ATF7IP: variants seen among roughly 807,000 people sequenced by gnomAD.
ATF7IP encodes activating transcription factor 7-interacting protein 1.
A neutral mutation model predicts 106.4 loss-of-function variants in ATF7IP; 23 were observed. The ratio of observed to expected loss-of-function variants is 0.22; its 90% confidence interval spans 0.16 to 0.31. The LOEUF is 0.31. Ranked by LOEUF, ATF7IP falls within the 10% of genes least tolerant of loss-of-function variation. The pLI is 1.00. For missense variants in ATF7IP, 1,334 were observed against 1,524.3 expected (o/e 0.88, Z 2.08); for synonymous variants, 542 against 539.0 (o/e 1.01, Z -0.08).
At chr12:14,449,755 A>G (rs1347674750) in intron 6 of ATF7IP, among the ~76,000 whole-genome samples, 3 of 151,264 alleles carry the variant, frequency 2.0e-5, no homozygotes, top group Non-Finnish European at 2.9e-5. Flanking sequence ...ATTGATAGGG[A>G]TTGCATTGAA....
At chr12:14,475,192 C>T (rs919488969) in intron 10 of ATF7IP, among the ~76,000 whole-genome samples, 2 of 152,132 alleles carry the variant, frequency 1.3e-5, no homozygotes, top group African/African-American at 2.4e-5. Flanking sequence ...GATTAATCCT[C>T]ACAATAGCCT....
chr12:14,479,464 G>A (rs1427961975), intron 12 of ATF7IP, among the ~76,000 whole-genome samples: 1 of 152,054 alleles, frequency 6.6e-6, no homozygotes, highest in Non-Finnish European at 1.5e-5. Flanking sequence ...TATCTGCACA[G>A]TACTTATATA....
chr12:14,418,795 A>G (rs191840828), intron 1 of ATF7IP, among the ~76,000 whole-genome samples: 246 of 152,202 alleles, frequency 1.6e-3, no homozygotes, highest in Admixed American at 2.8e-3. Flanking sequence ...GTGGGTATGG[A>G]TGGTAGTTAT....
chr12:14,470,103 G>C (rs1323690427), intron 10 of ATF7IP, among the ~76,000 whole-genome samples: 1 of 152,164 alleles, frequency 6.6e-6, no homozygotes, highest in East Asian at 1.9e-4. Flanking sequence ...CAAGGGCAAC[G>C]TTCTTGATAA....
At chr12:14,447,144 C>A in intron 6 of ATF7IP, 91 bp downstream of exon 6, 1 of 1,037,860 alleles carries the variant, frequency 9.6e-7, no homozygotes, top group Non-Finnish European at 1.4e-6. Flanking sequence ...TATTACAAAT[C>A]TGAAATTTGC....
chr12:14,393,238 TA>T (rs1939665093), intron 1 of ATF7IP, among the ~76,000 whole-genome samples: 1 of 152,188 alleles, frequency 6.6e-6, no homozygotes, highest in African/African-American at 2.4e-5. Flanking sequence ...AACTGTAAGG[TA>T]TATAATAAGT....
chr12:14,414,207 C>T (rs982145370), intron 1 of ATF7IP, among the ~76,000 whole-genome samples: 1 of 152,154 alleles, frequency 6.6e-6, no homozygotes, highest in African/African-American at 2.4e-5. Context: ...TACTTCTTTA[C>T]AGCAAGAGGA....
intron 1 of ATF7IP, among the ~76,000 whole-genome samples, chr12:14,395,991 A>T (rs1387726237): frequency 6.6e-6 from 1 of 152,226 alleles, no homozygotes; most frequent in East Asian, 1.9e-4. Flanking sequence ...ATTGCAATAA[A>T]AATAATCTAC....
chr12:14,424,536 T>G lies in ATF7IP; in HGVS notation c.621T>G (p.Ser207Arg), dbSNP rs559051739. The G allele has an allele frequency of 1.2e-6, 2 of 1,614,228 alleles. No homozygotes were observed. Among genetic ancestry groups the G allele is most frequent in the East Asian group, 4.5e-5 (2 of 44,880 alleles). Reference sequence around the variant, plus strand: ...TCTCCTCTGGTGATCCCACCTCTAGTGATCCCATCCCAGGTGAACCGGTCC... The same window carrying G: ...TCTCCTCTGGTGATCCCACCTCTAGGGATCCCATCCCAGGTGAACCGGTCC... ...DDLSSGDPTS[S>R]DPIPGEPVPV... The change falls in exon 2 of 15, where the codon AGT becomes AGG. Residue 207 changes from serine (S) to arginine (R), a missense_variant. Physicochemically the swap from Ser to Arg is moderately radical, Grantham distance 110. Transcript: ENST00000261168.
At chr12:14,492,130 T>C (rs903518612) in intron 13 of ATF7IP, among the ~76,000 whole-genome samples, 3 of 152,246 alleles carry the variant, frequency 2.0e-5, no homozygotes, top group Admixed American at 6.5e-5. Context: ...ATGCCAATTA[T>C]GCATTTTGGC....
chr12:14,487,180 G>C (rs903792638), intron 13 of ATF7IP, among the ~76,000 whole-genome samples: 3 of 151,452 alleles, frequency 2.0e-5, no homozygotes, highest in Non-Finnish European at 4.4e-5. Context: ...TACTTAGTGG[G>C]CCCAAATCAA....
At chr12:14,437,169 T>A (rs919315126) in intron 4 of ATF7IP, among the ~76,000 whole-genome samples, 1 of 152,242 alleles carries the variant, frequency 6.6e-6, no homozygotes, top group African/African-American at 2.4e-5. Context: ...TTTTTCAACA[T>A]GTGTTCACAA....
intron 1 of ATF7IP, among the ~76,000 whole-genome samples, chr12:14,390,761 T>G (rs1309794377): frequency 6.6e-5 from 10 of 152,240 alleles, no homozygotes; most frequent in African/African-American, 2.2e-4. Flanking sequence ...AACTTACATC[T>G]ATTTACATTT....
chr12:14,502,022 A>G lies in ATF7IP; in HGVS notation c.*3949A>G, dbSNP rs541977419. 1 of 152,312 alleles carries G rather than the reference A, an allele frequency of 6.6e-6. No homozygotes were observed. The highest frequency in any genetic ancestry group is 2.1e-4 in the South Asian group (1 of 4,824). 9.4% of individuals were successfully genotyped at this position (152,312 alleles called of 1,614,324 possible). A position where few individuals can be genotyped will look rare whatever the true frequency, so the allele number is the denominator to read the frequency against. ...TTTTACTCTGTGATTTTAGCACAGTAAGGTACTGCAAAGACCTTCCTTCCA... is the reference window on the plus strand; with the variant it reads ...TTTTACTCTGTGATTTTAGCACAGTGAGGTACTGCAAAGACCTTCCTTCCA... On this transcript the variant is annotated 3_prime_UTR_variant, in exon 15 of 15. Coordinates refer to ENST00000261168, the MANE Select transcript of ATF7IP (RefSeq NM_018179.5).
intron 3 of ATF7IP, among the ~76,000 whole-genome samples, chr12:14,435,206 G>A (rs1942349218): frequency 6.6e-6 from 1 of 151,998 alleles, no homozygotes; most frequent in South Asian, 2.1e-4. Flanking sequence ...AGGAAATGAT[G>A]GACTGAGTGT....
chr12:14,396,238 A>C (rs541746733), intron 1 of ATF7IP, among the ~76,000 whole-genome samples: 1 of 151,536 alleles, frequency 6.6e-6, no homozygotes, highest in Non-Finnish European at 1.5e-5. Flanking sequence ...TTTAGAAGTC[A>C]AGCAGCAGGC....
intron 1 of ATF7IP, among the ~76,000 whole-genome samples, chr12:14,405,056 A>G (rs1031068257): frequency 2.0e-5 from 3 of 152,154 alleles, no homozygotes; most frequent in Admixed American, 1.3e-4. Flanking sequence ...TGCCAGAAAC[A>G]AGTAGATTGT....
intron 1 of ATF7IP, among the ~76,000 whole-genome samples, chr12:14,398,301 G>C (rs532920256): frequency 6.6e-6 from 1 of 151,280 alleles, no homozygotes; most frequent in Non-Finnish European, 1.5e-5. Flanking sequence ...GTTTTAATCT[G>C]AATATCATTT....
At chr12:14,395,275 C>T (rs1423432336) in intron 1 of ATF7IP, 3 of 151,742 alleles carry the variant, frequency 2.0e-5, no homozygotes. Context: ...GGTCCTTTTT[C>T]TGTGACACCT....
Sources: allele counts gnomAD v4.1 joint callset (sites outside exome capture counted in the v4.1 genomes callset), GRCh38; gene constraint gnomAD v4.1.1; transcripts MANE v1.5; gene names NCBI Gene and HGNC (gene_info 2026-07-23, HGNC 2026-07-21).